The following NOL4L variants were observed in gnomAD, a reference collection of about 807,000 sequenced individuals.
The protein encoded by NOL4L is nucleolar protein 4 like, also known as nucleolar protein 4-like.
A neutral mutation model predicts 64.5 loss-of-function variants in NOL4L; 7 were observed. That is an observed-to-expected ratio of 0.11 (90% CI 0.06 to 0.20). NOL4L has a LOEUF of 0.20. Ranked by LOEUF, NOL4L falls within the 10% of genes least tolerant of loss-of-function variation. NOL4L has a pLI of 1.00. For missense variants in NOL4L, 680 were observed against 967.1 expected (o/e 0.70, Z 3.94); for synonymous variants, 413 against 401.0 (o/e 1.03, Z -0.36).
chr20:32,485,431 G>A, intron 4 of NOL4L: 1 of 225,102 alleles, frequency 4.4e-6, no homozygotes, highest in Non-Finnish European at 9.2e-6. Context: ...ATAAAATGAT[G>A]ACAAGACATC....
intron 4 of NOL4L, among the ~76,000 whole-genome samples, chr20:32,497,680 C>G (rs2016750154): frequency 6.6e-6 from 1 of 152,168 alleles, no homozygotes; most frequent in Non-Finnish European, 1.5e-5. Context: ...CAGGGACCAT[C>G]TGGATGTTTT....
chr20:32,451,928 G>A (rs1376350875), intron 10 of NOL4L, among the ~76,000 whole-genome samples: 3 of 152,238 alleles, frequency 2.0e-5, no homozygotes, highest in African/African-American at 7.2e-5. Context: ...CCCTGGGGGA[G>A]TGGAACCAGT....
chr20:32,488,871 CTTTCTTTCT>C (rs1568649470), intron 4 of NOL4L, among the ~76,000 whole-genome samples: 1,638 of 83,820 alleles, frequency 0.02, 81 homozygotes, highest in African/African-American at 0.068. Context: ...TTCTTTCTTT[CTTTCTTTCT>C]TTCTTTCTTT....
chr20:32,527,717 GC>G, intron 2 of NOL4L, 40 bp downstream of exon 2: 1 of 1,524,544 alleles, frequency 6.6e-7, no homozygotes, highest in Non-Finnish European at 8.8e-7. Context: ...TCCTGCCAAG[GC>G]CTGGGGCTGC....
chr20:32,459,818 G>A (rs1394823207), intron 5 of NOL4L, among the ~76,000 whole-genome samples: 3 of 152,246 alleles, frequency 2.0e-5, no homozygotes, highest in Non-Finnish European at 4.4e-5. Flanking sequence ...ACAGACGTGA[G>A]CCACTGCGCC....
intron 1 of NOL4L, among the ~76,000 whole-genome samples, chr20:32,556,886 C>T (rs571117956): frequency 1.3e-5 from 2 of 152,358 alleles, no homozygotes; most frequent in East Asian, 3.9e-4. Flanking sequence ...CCACCTTGCT[C>T]CTTCTGCACC....
Position 32,452,382 on chromosome 20 carries a change from T to G in NOL4L, c.1676A>C (p.His559Pro). 1 of 1,610,252 alleles carries G rather than the reference T, an allele frequency of 6.2e-7. No individual in the cohort carries two copies. The highest frequency in any genetic ancestry group is 8.5e-7 in the Non-Finnish European group (1 of 1,177,964). ...GGAGGCTGGCAGTGAGTAGGTGGAG[T>G]GGGTGATGGCTGCGGAGTCCCGCGA... ...QHSRDSAAIT[H>P]STYSLPASSY... Residue 559 changes from histidine to proline, a missense_variant, in exon 10 of 11, where the codon CAC becomes CCC. By Grantham distance (77) the His-to-Pro change is moderately conservative. This residue lies in a region of NOL4L where 175 missense variants were observed against 227.0 expected (regional missense o/e 0.77). Transcript: ENST00000621426.
intron 1 of NOL4L, among the ~76,000 whole-genome samples, chr20:32,558,206 C>A (rs1190196271): frequency 6.6e-6 from 1 of 152,360 alleles, no homozygotes; most frequent in African/African-American, 2.4e-5. Flanking sequence ...TGCCCTGTGT[C>A]ATTGCTGCTG....
intron 1 of NOL4L, among the ~76,000 whole-genome samples, chr20:32,567,921 CCATCAT>C (rs140917640): frequency 6.6e-6 from 1 of 151,494 alleles, no homozygotes; most frequent in African/African-American, 2.4e-5. Flanking sequence ...ATTACCACCA[CCATCAT>C]CATCATCATC....
intron 4 of NOL4L, among the ~76,000 whole-genome samples, chr20:32,486,458 A>T (rs1414471530): frequency 6.6e-6 from 1 of 152,176 alleles, no homozygotes; most frequent in African/African-American, 2.4e-5. Context: ...TAAACAGATG[A>T]TTAGGGTATG....
chr20:32,513,034 T>G (rs919136235), intron 3 of NOL4L, among the ~76,000 whole-genome samples: 2 of 152,210 alleles, frequency 1.3e-5, no homozygotes, highest in African/African-American at 4.8e-5. Context: ...TTACCTGGCC[T>G]CCTCCTCCTT....
intron 6 of NOL4L, among the ~76,000 whole-genome samples, chr20:32,455,707 C>T (rs979372373): frequency 2.0e-5 from 3 of 152,104 alleles, no homozygotes; most frequent in African/African-American, 4.8e-5. Context: ...GCCCTTTTTT[C>T]GCACGACCTA....
Position 32,536,057 on chromosome 20 carries a change from C to G in NOL4L, c.322-8144G>C, listed in dbSNP as rs564612208. 20 of 985,778 alleles carry G rather than the reference C, an allele frequency of 2.0e-5. No individual in the cohort carries two copies. The African/African-American group carries it at 3.5e-4, about 17-fold the overall frequency. 61.1% of individuals were successfully genotyped at this position (985,778 alleles called of 1,614,324 possible). ...TGTCCTGCCTGGGCCTCAGTTTCCCCCTGTGTGAGCAGACACCATAGGCAT... is the reference window on the plus strand; with the variant it reads ...TGTCCTGCCTGGGCCTCAGTTTCCCGCTGTGTGAGCAGACACCATAGGCAT... On this transcript the variant is annotated intron_variant, in intron 1 of 10. Coordinates refer to ENST00000621426, the MANE Select transcript of NOL4L (RefSeq NM_001256798.2).
chr20:32,478,607 G>T (rs925273361), intron 4 of NOL4L, among the ~76,000 whole-genome samples: 1 of 152,150 alleles, frequency 6.6e-6, no homozygotes, highest in Non-Finnish European at 1.5e-5. Flanking sequence ...TATCTTGACT[G>T]CTATAGCTTT....
intron 4 of NOL4L, among the ~76,000 whole-genome samples, chr20:32,476,198 GACACACACAC>G (rs1167969757): frequency 2.1e-4 from 29 of 141,080 alleles, no homozygotes; most frequent in Admixed American, 3.5e-4. Flanking sequence ...CACCCGGAGG[GACACACACAC>G]ACACACACAC....
At chr20:32,552,670 A>G (rs1222230044) in intron 1 of NOL4L, among the ~76,000 whole-genome samples, 2 of 151,900 alleles carry the variant, frequency 1.3e-5, no homozygotes, top group Non-Finnish European at 2.9e-5. Context: ...CTGGGCGACA[A>G]GAGAGAGACT....
chr20:32,468,734 A>C (rs1308994338), intron 5 of NOL4L, among the ~76,000 whole-genome samples: 2 of 151,986 alleles, frequency 1.3e-5, no homozygotes, highest in Non-Finnish European at 2.9e-5. Flanking sequence ...CACTGTCTCT[A>C]CTAAAAATAC....
At chr20:32,511,817 C>A (rs1293578711) in intron 3 of NOL4L, among the ~76,000 whole-genome samples, 1 of 152,018 alleles carries the variant, frequency 6.6e-6, no homozygotes, top group Non-Finnish European at 1.5e-5. Flanking sequence ...CCAGCCTGGG[C>A]AACACAGGGA....
chr20:32,552,629 G>A (rs1177757962), intron 1 of NOL4L, among the ~76,000 whole-genome samples: 1 of 152,166 alleles, frequency 6.6e-6, no homozygotes, highest in Non-Finnish European at 1.5e-5. Flanking sequence ...GGAGGTTGCA[G>A]TGAGCCAAGA....
Sources: gnomAD v4.1 joint callset for allele counts (sites outside exome capture counted in the v4.1 genomes callset) on GRCh38, gnomAD v4.1.1 for gene constraint, gnomAD v4.1.1 regional missense constraint, MANE v1.5 for transcripts, NCBI Gene and HGNC (gene_info 2026-07-23, HGNC 2026-07-21) for gene names.